The following ZNF487 variants were observed in gnomAD, a reference collection of about 807,000 sequenced individuals.
ZNF487 encodes zinc finger protein 487, also known as KRAB domain only 1.
ZNF487 carries 4 observed loss-of-function variants against 3.0 expected under a neutral mutation model. The observed-to-expected ratio is 1.35, with a 90% CI of 0.66 to 3.08. The LOEUF (loss-of-function observed/expected upper bound fraction) is 3.08. Among genes scored for constraint, ZNF487 ranks in the 30% most tolerant of loss-of-function variants. ZNF487 has a pLI of 0.01. For missense variants in ZNF487, 146 were observed against 98.7 expected, an observed-to-expected ratio of 1.48 and a Z score of -2.03; for synonymous variants, 55 against 34.6, an observed-to-expected ratio of 1.59 and a Z score of -2.06.
the ZNF487 span, among the ~76,000 whole-genome samples, chr10:43,495,041 G>A: frequency 2.6e-5 from 4 of 151,708 alleles, no homozygotes; most frequent in African/African-American, 9.7e-5. Flanking sequence ...TTTAACTTAT[G>A]ATAAAATATT....
chr10:43,477,352 G>A (rs1024886721), intron 3 of ZNF487, among the ~76,000 whole-genome samples: 1 of 151,618 alleles, frequency 6.6e-6, no homozygotes, highest in Non-Finnish European at 1.5e-5. Flanking sequence ...GTATCACCAC[G>A]CCTGACTAAT....
At chr10:43,471,351 C>T (rs1431685885) in intron 1 of ZNF487, among the ~76,000 whole-genome samples, 1 of 152,182 alleles carries the variant, frequency 6.6e-6, no homozygotes. Flanking sequence ...GTGCCCACTA[C>T]CCCAAAACCC....
chr10:43,469,088 C>T (rs1840814247), intron 1 of ZNF487, among the ~76,000 whole-genome samples: 1 of 151,976 alleles, frequency 6.6e-6, no homozygotes, highest in Non-Finnish European at 1.5e-5. Flanking sequence ...CACAGCCATC[C>T]CAGCCTTCAG....
chr10:43,510,664 C>T, the ZNF487 span, among the ~76,000 whole-genome samples: 2 of 152,308 alleles, frequency 1.3e-5, no homozygotes, highest in South Asian at 4.1e-4. Context: ...TCTCCTGCCT[C>T]AGCCTCCTGA....
chr10:43,439,730 A>C (rs1469124810), intron 1 of ZNF487, among the ~76,000 whole-genome samples: 2 of 152,132 alleles, frequency 1.3e-5, no homozygotes, highest in Admixed American at 6.6e-5. Flanking sequence ...GTGAAAATAA[A>C]AAAGAAAATG....
At chr10:43,470,944 C>T (rs1190511632) in intron 1 of ZNF487, among the ~76,000 whole-genome samples, 1 of 152,120 alleles carries the variant, frequency 6.6e-6, no homozygotes, top group Non-Finnish European at 1.5e-5. Flanking sequence ...CCTCCCACCT[C>T]AGCCTCTTGA....
At chr10:43,508,532 G>T in the ZNF487 span, among the ~76,000 whole-genome samples, 1 of 152,202 alleles carries the variant, frequency 6.6e-6, no homozygotes, top group Non-Finnish European at 1.5e-5. Flanking sequence ...TATCGGGCTG[G>T]GCACGGTGGC....
At chr10:43,498,098 TA>T in the ZNF487 span, among the ~76,000 whole-genome samples, 1,350 of 7,846 alleles carry the variant, frequency 0.17, 37 homozygotes, top group Non-Finnish European at 0.19. Context: ...TATATATATA[TA>T]TTTTTTTTTT....
chr10:43,512,617 G>C, the ZNF487 span, among the ~76,000 whole-genome samples: 1 of 152,156 alleles, frequency 6.6e-6, no homozygotes, highest in Non-Finnish European at 1.5e-5. Context: ...ACCTATGGGG[G>C]CCTGCCAAAG....
At chr10:43,486,319 G>A (rs1467525343), downstream of ZNF487, among the ~76,000 whole-genome samples, 1 of 152,132 alleles carries the variant, frequency 6.6e-6, no homozygotes, top group Non-Finnish European at 1.5e-5. Context: ...CTGAGGTTGG[G>A]AGTTCGAGAC....
chr10:43,475,705 A>G lies in ZNF487; in HGVS notation c.-93-16A>G, dbSNP rs758961570. 2.6e-6 allele frequency: 2 copies of G among 779,234 alleles called. No homozygotes were observed. The highest frequency in any genetic ancestry group is 1.3e-5 in the South Asian group (1 of 74,386). 48.3% of individuals were successfully genotyped at this position (779,234 alleles called of 1,614,324 possible). A position where few individuals can be genotyped will look rare whatever the true frequency, so the allele number is the denominator to read the frequency against. On this transcript the variant is annotated splice_polypyrimidine_tract_variant and intron_variant, in intron 1 of 3. Coordinates refer to ENST00000437590, the MANE Select transcript of ZNF487 (RefSeq NM_001355444.3). ...CTTCTGATCACTGTAGAATGAAAAC[A>G]AATGTACTGTTCTAGGGATCAGTGT... is the stretch of plus-strand genomic sequence containing the variant.
chr10:43,477,470 C>T, intron 3 of ZNF487, among the ~76,000 whole-genome samples: 2 of 151,672 alleles, frequency 1.3e-5, no homozygotes, highest in Non-Finnish European at 2.9e-5. Flanking sequence ...GCTGGGATTA[C>T]AGGTGTGAGC....
intron 1 of ZNF487, among the ~76,000 whole-genome samples, chr10:43,449,666 A>T (rs894011408): frequency 6.6e-6 from 1 of 151,194 alleles, no homozygotes; most frequent in Admixed American, 6.6e-5. Context: ...AGCAGTTAAC[A>T]TGTATTGAAG....
At chr10:43,513,584 T>G in the ZNF487 span, among the ~76,000 whole-genome samples, 1 of 152,180 alleles carries the variant, frequency 6.6e-6, no homozygotes, top group Non-Finnish European at 1.5e-5. Flanking sequence ...ATATTGTTTT[T>G]GATTTACTAT....
chr10:43,451,806 C>A (rs1198953876), intron 1 of ZNF487: 4 of 152,326 alleles, frequency 2.6e-5, no homozygotes, highest in African/African-American at 4.8e-5. Flanking sequence ...TTCAGGTGAT[C>A]CTCCTACCTC....
At chr10:43,517,574 A>G in the ZNF487 span, among the ~76,000 whole-genome samples, 1 of 152,164 alleles carries the variant, frequency 6.6e-6, no homozygotes, top group African/African-American at 2.4e-5. Context: ...TTGACATTGC[A>G]CTGTACATCA....
chr10:43,452,305 T>TGCAGGCAC (rs527316537), intron 1 of ZNF487: 1 of 152,182 alleles, frequency 6.6e-6, no homozygotes, highest in Non-Finnish European at 1.5e-5. Flanking sequence ...GTTCAAGCCA[T>TGCAGGCAC]GCAGGCCCCA....
At chr10:43,456,518 C>T (rs937219249) in intron 1 of ZNF487, among the ~76,000 whole-genome samples, 5 of 152,136 alleles carry the variant, frequency 3.3e-5, no homozygotes, top group African/African-American at 4.8e-5. Flanking sequence ...AAATGTCTCT[C>T]CATTTTCAGG....
chr10:43,445,026 T>C (rs1839747745), intron 1 of ZNF487, among the ~76,000 whole-genome samples: 1 of 152,194 alleles, frequency 6.6e-6, no homozygotes, highest in South Asian at 2.1e-4. Flanking sequence ...TTTCATTGTT[T>C]TGGATTTTTT....
Sources: gnomAD v4.1 joint callset for allele counts (sites outside exome capture counted in the v4.1 genomes callset) on GRCh38, gnomAD v4.1.1 for gene constraint, MANE v1.5 for transcripts, NCBI Gene and HGNC (gene_info 2026-07-23, HGNC 2026-07-21) for gene names.